MSI2: variants seen among roughly 807,000 people sequenced by gnomAD.
MSI2 encodes the protein RNA-binding protein Musashi homolog 2.
MSI2 carries 17 observed loss-of-function variants against 45.6 expected under a neutral mutation model. That is an observed-to-expected ratio of 0.37 (90% confidence interval 0.26 to 0.56). The LOEUF (loss-of-function observed/expected upper bound fraction) is 0.56. Among genes scored for constraint, MSI2 ranks in the 20% least tolerant of loss-of-function variants. The pLI is 0.77. For missense variants in MSI2, 293 were observed against 444.2 expected (o/e 0.66, Z 3.06); for synonymous variants, 156 against 158.2 (o/e 0.99, Z 0.11).
intron 5 of MSI2, among the ~76,000 whole-genome samples, chr17:57,356,266 C>G (rs1243951703): frequency 6.6e-6 from 1 of 152,192 alleles, no homozygotes; most frequent in East Asian, 1.9e-4. Context: ...CAGATCTCCC[C>G]TCTTTGCATA....
intron 5 of MSI2, among the ~76,000 whole-genome samples, chr17:57,362,820 G>A (rs983279706): frequency 2.0e-5 from 3 of 152,138 alleles, no homozygotes; most frequent in Admixed American, 2.0e-4. Flanking sequence ...AAAAGAGTCA[G>A]GAGATGCGAT....
intron 6 of MSI2, among the ~76,000 whole-genome samples, chr17:57,451,238 A>G (rs1243450867): frequency 2.0e-5 from 3 of 151,952 alleles, no homozygotes; most frequent in African/African-American, 7.3e-5. Flanking sequence ...ATCTGTGCCC[A>G]TTGCCGGATT....
chr17:57,370,051 C>T (rs986124724), intron 5 of MSI2, among the ~76,000 whole-genome samples: 25 of 152,198 alleles, frequency 1.6e-4, no homozygotes, highest in African/African-American at 4.6e-4. Context: ...AAAACACTGT[C>T]GCTGGGTTAA....
At position 57,630,761 on chromosome 17, in the gene MSI2, C is replaced by T. The variant is rs1258006360; in HGVS notation, c.727+3458C>T. ...GTCAAGAGCGCAGGGAGTAGCTGAG[C>T]CCCTCTAGAACCAAACTTGATGACT... On this transcript the variant is annotated intron_variant, in intron 10 of 13. Coordinates refer to ENST00000284073, the MANE Select transcript of MSI2 (RefSeq NM_138962.4). The T allele has an allele frequency of 2.0e-5, 3 of 152,296 alleles. No homozygotes were observed. The East Asian group carries it at 5.8e-4, about 29-fold the overall frequency. The allele number at this position is 152,296 out of a possible 1,614,324, so 9.4% of individuals were successfully genotyped here.
intron 6 of MSI2, among the ~76,000 whole-genome samples, chr17:57,451,194 G>A (rs887894509): frequency 3.3e-5 from 5 of 152,136 alleles, no homozygotes; most frequent in African/African-American, 7.2e-5. Flanking sequence ...ACACCTCTCT[G>A]AACTAGGAAT....
chr17:57,590,496 A>G (rs1412872060), intron 7 of MSI2, among the ~76,000 whole-genome samples: 1 of 152,118 alleles, frequency 6.6e-6, no homozygotes, highest in Non-Finnish European at 1.5e-5. Context: ...AAAGAGGGGG[A>G]AAAGGTTTGA....
intron 5 of MSI2, among the ~76,000 whole-genome samples, chr17:57,307,046 T>C (rs1004396801): frequency 6.6e-6 from 1 of 152,196 alleles, no homozygotes; most frequent in African/African-American, 2.4e-5. Flanking sequence ...TTGAGGAACA[T>C]TTTGAGCTTC....
chr17:57,566,914 AT>A (rs1232300559), intron 7 of MSI2, among the ~76,000 whole-genome samples: 1 of 152,200 alleles, frequency 6.6e-6, no homozygotes, highest in East Asian at 1.9e-4. Context: ...AGGTGGCAGG[AT>A]TTAATAGAAG....
intron 1 of MSI2, 96 bp from the exon 2 acceptor site, chr17:57,257,002 C>A (rs971912854): frequency 1.3e-6 from 2 of 1,587,624 alleles, no homozygotes; most frequent in Non-Finnish European, 1.7e-6. Context: ...CTCGCTCGCT[C>A]GCTCCCCCCC....
chr17:57,562,371 T>C (rs2087599378), intron 7 of MSI2, among the ~76,000 whole-genome samples: 1 of 152,260 alleles, frequency 6.6e-6, no homozygotes, highest in South Asian at 2.1e-4. Context: ...GGAAGCATTC[T>C]TCTCTTAGCA....
rs973794474 is a variant in MSI2, at chr17:57,552,387, C to G, written c.454+22663C>G. Among the ~76,000 whole-genome samples, 1 of 152,068 alleles carries G rather than the reference C, an allele frequency of 6.6e-6. No homozygotes were observed. Among genetic ancestry groups the G allele is most frequent in the African/African-American group, 2.4e-5 (1 of 41,400 alleles). ...ATGGAGACCAGCCAGCACCCCCCAA[C>G]CCAGCCCCCCACTCACTGCCCTGCT... On this transcript the variant is annotated intron_variant, in intron 7 of 13. Coordinates refer to ENST00000284073, the MANE Select transcript of MSI2 (RefSeq NM_138962.4). The surrounding 1 kb of genome is among the most constrained non-coding windows in gnomAD (Gnocchi z 4.3).
intron 7 of MSI2, among the ~76,000 whole-genome samples, chr17:57,548,546 G>A (rs1369909108): frequency 1.3e-5 from 2 of 152,090 alleles, no homozygotes; most frequent in Non-Finnish European, 2.9e-5. Flanking sequence ...GGGCCTCTAG[G>A]GAGCCTTCCG....
At chr17:57,483,002 G>T (rs1054382741) in intron 6 of MSI2, among the ~76,000 whole-genome samples, 1 of 152,174 alleles carries the variant, frequency 6.6e-6, no homozygotes, top group African/African-American at 2.4e-5. Context: ...TTAAAACTTT[G>T]CTCTGAAAGA....
intron 9 of MSI2, chr17:57,626,389 A>G (rs376958220): frequency 1.5e-4 from 23 of 152,290 alleles, no homozygotes; most frequent in African/African-American, 5.3e-4. Context: ...TGAGAGCTGA[A>G]TGACACCTCA....
At chr17:57,571,070 G>A (rs1008839729) in intron 7 of MSI2, among the ~76,000 whole-genome samples, 2 of 152,316 alleles carry the variant, frequency 1.3e-5, no homozygotes, top group Admixed American at 6.5e-5. Context: ...CCGCCTTGTT[G>A]ATGTATTGGG....
At chr17:57,435,632 A>T (rs1240278863) in intron 6 of MSI2, among the ~76,000 whole-genome samples, 2 of 152,186 alleles carry the variant, frequency 1.3e-5, no homozygotes, top group African/African-American at 4.8e-5. Context: ...ACTTAAAGTC[A>T]ATACAGCATG....
intron 5 of MSI2, among the ~76,000 whole-genome samples, chr17:57,286,750 A>C (rs1019307558): frequency 2.6e-5 from 4 of 152,056 alleles, no homozygotes; most frequent in Admixed American, 1.3e-4. Context: ...CTAAGGCAAA[A>C]TGACCTTCCA....
chr17:57,498,614 G>T (rs952519632), intron 6 of MSI2, among the ~76,000 whole-genome samples: 4 of 152,168 alleles, frequency 2.6e-5, no homozygotes, highest in African/African-American at 9.7e-5. Context: ...CAGCTGAAGT[G>T]GCTTCTTCCT....
intron 5 of MSI2, among the ~76,000 whole-genome samples, chr17:57,315,588 T>C (rs1358332362): frequency 6.6e-6 from 1 of 152,100 alleles, no homozygotes; most frequent in Non-Finnish European, 1.5e-5. Context: ...TTTGTGGCTG[T>C]TGCATGCACC....
Sources: allele counts gnomAD v4.1 joint callset (sites outside exome capture counted in the v4.1 genomes callset), GRCh38; gene constraint gnomAD v4.1.1; non-coding constraint Gnocchi (gnomAD v3.1); transcripts MANE v1.5; gene names NCBI Gene and HGNC (gene_info 2026-07-23, HGNC 2026-07-21).